Variants in NIPSNAP2 observed in about 807,000 individuals in gnomAD.
NIPSNAP2 encodes protein NipSnap homolog 2.
In NIPSNAP2, 42 loss-of-function variants were observed where a neutral mutation model predicts 48.4. The observed-to-expected ratio is 0.87, with a 90% CI of 0.68 to 1.12. The LOEUF (loss-of-function observed/expected upper bound fraction) is 1.12, where lower values mean the gene tolerates loss of function less well. Ranked by LOEUF, NIPSNAP2 falls within the 50% of genes most tolerant of loss-of-function variation. NIPSNAP2 has a pLI of 0.00. For missense variants in NIPSNAP2, 314 were observed against 347.3 expected (o/e 0.90, Z 0.76); for synonymous variants, 158 against 126.6 (o/e 1.25, Z -1.67).
chr7:55,983,840 T>C lies in NIPSNAP2; in HGVS notation c.557T>C (p.Ile186Thr). The C allele has an allele frequency of 6.2e-7, 1 of 1,614,080 alleles. No homozygotes were observed. Among genetic ancestry groups the C allele is most frequent in the South Asian group, 1.1e-5 (1 of 91,086 alleles). The change falls in exon 6 of 10, where the codon ATA becomes ACA. Residue 186 changes from isoleucine to threonine, a missense_variant. By Grantham distance (89) the Ile-to-Thr change is moderately conservative (BLOSUM62 -1). This residue lies in a region of NIPSNAP2 where 116 missense variants were observed against 161.8 expected (regional missense o/e 0.72). Transcript: ENST00000322090. ...CCTGTGCCAAGATCCGGACCTAATA[T>C]ATATGAACTCAGGTCTTACCAACTC... ...NEPVPRSGPN[I>T]YELRSYQLRP...
intron 1 of NIPSNAP2, among the ~76,000 whole-genome samples, chr7:55,974,414 GCT>G (rs1171808932): frequency 2.0e-5 from 3 of 152,018 alleles, no homozygotes; most frequent in Non-Finnish European, 4.4e-5. Context: ...TGGGGAATTT[GCT>G]CTCATGAGAG....
chr7:55,994,263 A>G (rs1787510037), intron 7 of NIPSNAP2, among the ~76,000 whole-genome samples: 1 of 152,212 alleles, frequency 6.6e-6, no homozygotes, highest in Non-Finnish European at 1.5e-5. Flanking sequence ...GACGGGTCCC[A>G]TCCTCTGCCA....
rs1167790090 is a variant in NIPSNAP2 at position 55,994,942 on chromosome 7, AT to A, written c.668del (p.Phe223SerfsTer55). 5 of 1,613,084 alleles carry A rather than the reference AT, an allele frequency of 3.1e-6. No homozygotes were observed. The African/African-American group carries it at 6.7e-5, about 22-fold the overall frequency. On this transcript the variant is annotated frameshift_variant, in exon 8 of 10. Coordinates refer to ENST00000322090, the MANE Select transcript of NIPSNAP2 (RefSeq NM_001483.3). LOFTEE classifies it high-confidence loss of function. ...AGGATGGTAACGAAGCCGTCGGAGGATTCTTCTCTCAGATTGGGCAGCTGTA... is the reference window on the plus strand; with the variant it reads ...AGGATGGTAACGAAGCCGTCGGAGGATCTTCTCTCAGATTGGGCAGCTGTA... ...RQDGNEAVGG[F>X]FSQIGQLYMV...
chr7:55,972,202 A>T (rs1226354218), intron 1 of NIPSNAP2, among the ~76,000 whole-genome samples: 1 of 151,786 alleles, frequency 6.6e-6, no homozygotes, highest in Non-Finnish European at 1.5e-5. Context: ...ACTGCTTAGG[A>T]GGCTGAGGCA....
intron 1 of NIPSNAP2, among the ~76,000 whole-genome samples, chr7:55,973,963 C>T (rs1787060322): frequency 6.6e-6 from 1 of 151,946 alleles, no homozygotes; most frequent in South Asian, 2.1e-4. Context: ...GGCAGCTCAC[C>T]CTTGCAATCT....
chr7:55,965,943 C>T (rs1413299759), intron 1 of NIPSNAP2, among the ~76,000 whole-genome samples: 1 of 152,130 alleles, frequency 6.6e-6, no homozygotes, highest in Admixed American at 6.6e-5. Context: ...TAGTGGCCAG[C>T]TGAGTGGACC....
intron 4 of NIPSNAP2, 93 bp from the exon 5 acceptor site, chr7:55,982,117 T>C: frequency 1.4e-6 from 1 of 731,048 alleles, no homozygotes; most frequent in Non-Finnish European, 2.4e-6. Flanking sequence ...CCTACAGTTT[T>C]GTGCTGTGTT....
intron 1 of NIPSNAP2, among the ~76,000 whole-genome samples, chr7:55,969,976 C>CT (rs1377804000): frequency 7.3e-6 from 1 of 137,288 alleles, no homozygotes; most frequent in African/African-American, 2.9e-5. Flanking sequence ...GAGCGAGACT[C>CT]TGTCTCAAAA....
intron 7 of NIPSNAP2, among the ~76,000 whole-genome samples, chr7:55,987,793 G>A (rs928876577): frequency 5.3e-5 from 8 of 152,150 alleles, no homozygotes; most frequent in Non-Finnish European, 1.2e-4. Context: ...GGTGGTTGCC[G>A]GGAGCTGGGC....
At chr7:55,983,072 G>A (rs1345737495) in intron 5 of NIPSNAP2, among the ~76,000 whole-genome samples, 2 of 140,442 alleles carry the variant, frequency 1.4e-5, no homozygotes, top group Non-Finnish European at 3.2e-5. Context: ...GCAGTGTGCC[G>A]AGACTACACC....
intron 7 of NIPSNAP2, among the ~76,000 whole-genome samples, chr7:55,989,584 C>G (rs1787401671): frequency 6.6e-6 from 1 of 152,042 alleles, no homozygotes; most frequent in Non-Finnish European, 1.5e-5. Flanking sequence ...ATGATCATGC[C>G]ATTCCACTCC....
At chr7:55,988,889 T>C (rs1307793096) in intron 7 of NIPSNAP2, among the ~76,000 whole-genome samples, 2 of 151,902 alleles carry the variant, frequency 1.3e-5, no homozygotes, top group African/African-American at 4.8e-5. Context: ...AAAAATTACA[T>C]ATGACCCAGC....
intron 1 of NIPSNAP2, among the ~76,000 whole-genome samples, chr7:55,971,269 G>C (rs747388177): frequency 2.6e-5 from 4 of 152,164 alleles, no homozygotes; most frequent in Admixed American, 2.0e-4. Flanking sequence ...TTGACGGTTG[G>C]GGGTAGTACT....
intron 9 of NIPSNAP2, 87 bp downstream of exon 9, chr7:55,997,536 T>C: frequency 9.9e-7 from 1 of 1,009,106 alleles, no homozygotes; most frequent in Non-Finnish European, 1.6e-6. Flanking sequence ...GTGGGTTTTG[T>C]AATAGTATGT....
At position 55,999,397 on chromosome 7, in the gene NIPSNAP2, CA is replaced by C. The variant is rs1362054422; in HGVS notation, c.*333del. ...CATCTTGAAAATAAGATTCCAACCA[CA>C]AAAAAAATTTAGCCATTTCTTTACT... On this transcript the variant is annotated 3_prime_UTR_variant, in exon 10 of 10. Coordinates refer to ENST00000322090, the MANE Select transcript of NIPSNAP2 (RefSeq NM_001483.3). 28 of 207,844 alleles carry C rather than the reference CA, an allele frequency of 1.3e-4. No homozygotes were observed. The highest frequency in any genetic ancestry group is 2.1e-4 in the East Asian group (2 of 9,674). The allele number at this position is 207,844 out of a possible 1,614,324, so 12.9% of individuals were successfully genotyped here.
Position 55,973,645 on chromosome 7 carries a change from T to A in NIPSNAP2, c.93-4481T>A, listed in dbSNP as rs552600047. Among the ~76,000 whole-genome samples the A allele has an allele frequency of 2.6e-5, 4 of 151,110 alleles. No individual in the cohort carries two copies. The South Asian group carries it at 8.3e-4, about 32-fold the overall frequency. ...GTGTGCCACCACACCCAGCTATTTT[T>A]TTTTTTTTTTGTAGTGTTAGTAGAG... is the stretch of plus-strand genomic sequence containing the variant. On this transcript the variant is annotated intron_variant, in intron 1 of 9. Transcript: ENST00000322090.
intron 6 of NIPSNAP2, among the ~76,000 whole-genome samples, chr7:55,984,443 G>A (rs1490719550): frequency 6.6e-6 from 1 of 152,136 alleles, no homozygotes; most frequent in African/African-American, 2.4e-5. Flanking sequence ...TTGGCTGGGT[G>A]TGGTGGCTCA....
chr7:55,999,291 AC>A lies in NIPSNAP2; in HGVS notation c.*223del. The stretch of plus-strand genomic sequence containing the variant: ...AGTGCCTTGTCGTCCTCTTTGAAAC[AC>A]CCCGTGTTGTCCAGTATACCTTATA... On this transcript the variant is annotated 3_prime_UTR_variant, in exon 10 of 10. Coordinates refer to ENST00000322090, the MANE Select transcript of NIPSNAP2 (RefSeq NM_001483.3). The A allele has an allele frequency of 1.8e-6, 1 of 560,768 alleles. No homozygotes were observed. Among genetic ancestry groups the A allele is most frequent in the Non-Finnish European group, 3.1e-6 (1 of 317,946 alleles). The allele number at this position is 560,768 out of a possible 1,614,324, so 34.7% of individuals were successfully genotyped here.
At chr7:55,986,116 G>C (rs1404264039) in intron 7 of NIPSNAP2, among the ~76,000 whole-genome samples, 1 of 151,992 alleles carries the variant, frequency 6.6e-6, no homozygotes, top group African/African-American at 2.4e-5. Context: ...CCAGCACTTT[G>C]GGGAGGCTGA....
Sources: allele counts gnomAD v4.1 joint callset (sites outside exome capture counted in the v4.1 genomes callset), GRCh38; gene constraint gnomAD v4.1.1; regional missense constraint gnomAD v4.1.1; transcripts MANE v1.5; gene names NCBI Gene and HGNC (gene_info 2026-07-23, HGNC 2026-07-21).